COL5A1: variants seen among roughly 807,000 people sequenced by gnomAD.
COL5A1 encodes collagen type V alpha 1 chain.
Under a neutral mutation model 263.7 loss-of-function variants are expected in COL5A1, and 16 were observed. The observed-to-expected ratio is 0.06, with a 90% CI of 0.04 to 0.09. The LOEUF (loss-of-function observed/expected upper bound fraction) is 0.09, where lower values mean the gene tolerates loss of function less well. COL5A1 is among the 10% of genes least tolerant of loss of function. The pLI is 1.00. For synonymous variants in COL5A1, 1,012 were observed against 1,004.5 expected, an observed-to-expected ratio of 1.01 and a Z score of -0.14; for missense variants, 2,036 against 2,540.5, an observed-to-expected ratio of 0.80 and a Z score of 4.27.
Position 134,758,158 on chromosome 9 carries a change from G to A in COL5A1, c.1882-85G>A. The A allele has an allele frequency of 7.1e-7, 1 of 1,399,566 alleles. No homozygotes were observed. Among genetic ancestry groups the A allele is most frequent in the South Asian group, 1.2e-5 (1 of 86,690 alleles). 86.7% of individuals were successfully genotyped at this position (1,399,566 alleles called of 1,614,324 possible). ...CTGTGTGAAACGTGGTCCAAGGCGG[G>A]GCGGCCATCACTTGGTGGACACCAA... On this transcript the variant is annotated intron_variant, in intron 17 of 65. Coordinates refer to ENST00000371817, the MANE Select transcript of COL5A1 (RefSeq NM_000093.5). The surrounding 1 kb of genome is among the most constrained non-coding windows in gnomAD (Gnocchi z 4.1).
chr9:134,752,423 G>GGC (rs1835816214), intron 13 of COL5A1, among the ~76,000 whole-genome samples, 166 bp from the exon 14 acceptor site: 1 of 134,860 alleles, frequency 7.4e-6, no homozygotes, highest in African/African-American at 3.2e-5. Flanking sequence ...CGAAGTCGGG[G>GGC]GGGGGGGGCC....
chr9:134,697,860 G>T (rs1167812411), intron 2 of COL5A1, among the ~76,000 whole-genome samples: 1 of 152,164 alleles, frequency 6.6e-6, no homozygotes. Flanking sequence ...AAGGCGGGTG[G>T]ATCACCTGAG....
intron 11 of COL5A1, among the ~76,000 whole-genome samples, chr9:134,747,471 A>T (rs543946012): frequency 6.6e-6 from 1 of 152,260 alleles, no homozygotes; most frequent in South Asian, 2.1e-4. Flanking sequence ...AAACGTACAC[A>T]TGCATACACA....
At position 134,767,300 on chromosome 9, in the gene COL5A1, T is replaced by C. The variant is rs1293775104; in HGVS notation, c.2188-10T>C. 1.2e-6 allele frequency: 2 copies of C among 1,613,992 alleles called. No individual in the cohort carries two copies. Among genetic ancestry groups the C allele is most frequent in the African/African-American group, 1.3e-5 (1 of 75,024 alleles). On this transcript the variant is annotated splice_polypyrimidine_tract_variant and intron_variant, in intron 23 of 65. Transcript: ENST00000371817. ...CTCACCTTCCCTTTCTGGCTCTTTC[T>C]CCCTCTTAGGGTCTTCCAGGCCCCC...
rs191191073 is a variant in COL5A1 at position 134,799,878 on chromosome 9, C to T, written c.2952+1417C>T. Among the ~76,000 whole-genome samples, 29 of 152,304 alleles carry T rather than the reference C, an allele frequency of 1.9e-4. No individual in the cohort carries two copies. The East Asian group carries it at 2.7e-3, about 14-fold the overall frequency. ...TTTTCTCCCTCTGACTTATTCTGGA[C>T]GGAGGCTGGTGAAAGAATTAAGCTG... On this transcript the variant is annotated intron_variant, in intron 37 of 65. Transcript: ENST00000371817.
At chr9:134,752,538 G>A (rs138024377) in intron 13 of COL5A1, 51 bp from the exon 14 acceptor site, 112 of 1,436,750 alleles carry the variant, frequency 7.8e-5, no homozygotes, top group Non-Finnish European at 1.0e-4. Flanking sequence ...CCAGCAAACC[G>A]GAGCACTGCT....
rs940671934 is a variant in COL5A1, at chr9:134,818,435, C to T, written c.4231-221C>T. Among the ~76,000 whole-genome samples, 8 of 152,190 alleles carry T rather than the reference C, an allele frequency of 5.3e-5. No individual in the cohort carries two copies. In the East Asian group the frequency reaches 1.5e-3, roughly 29 times the overall value. ...ACACCCGGTCTGTGGTCGGCGCAGT[C>T]AGCGGAGACGGGATCCCTGCTGGCC... On this transcript the variant is annotated intron_variant, in intron 54 of 65. Coordinates refer to ENST00000371817, the MANE Select transcript of COL5A1 (RefSeq NM_000093.5). This position sits in a 1 kb window ranked among gnomAD's most constrained non-coding sequence, Gnocchi z 6.0.
At chr9:134,783,640 C>A (rs1223080789) in intron 29 of COL5A1, among the ~76,000 whole-genome samples, 3 of 152,308 alleles carry the variant, frequency 2.0e-5, no homozygotes, top group African/African-American at 7.2e-5. Flanking sequence ...AGTCATCCCC[C>A]TGCAGCACCG....
At chr9:134,663,359 G>A (rs1832265846) in intron 1 of COL5A1, among the ~76,000 whole-genome samples, 3 of 152,192 alleles carry the variant, frequency 2.0e-5, no homozygotes, top group Admixed American at 2.0e-4. Flanking sequence ...GCCTAAGAGG[G>A]TGAAGGGCTG....
At chr9:134,839,011 C>A (rs527955364) in intron 65 of COL5A1, among the ~76,000 whole-genome samples, 1 of 152,236 alleles carries the variant, frequency 6.6e-6, no homozygotes, top group African/African-American at 2.4e-5. Flanking sequence ...CATTTAATTA[C>A]GGAGGCTGCT....
chr9:134,835,062 C>G lies in COL5A1; in HGVS notation c.5228C>G (p.Thr1743Ser). 1 of 1,613,574 alleles carries G rather than the reference C, an allele frequency of 6.2e-7. No homozygotes were observed. Among genetic ancestry groups the G allele is most frequent in the African/African-American group, 1.3e-5 (1 of 75,056 alleles). The change falls in exon 65 of 66, where the codon ACC becomes AGC. Residue 1743 changes from threonine (T) to serine (S), a missense_variant. Physicochemically the swap from Thr to Ser is moderately conservative, Grantham distance 58. Around this residue, in one of 3 missense-constraint regions of COL5A1, gnomAD observed 358 missense variants for 384.6 expected, o/e 0.93. Transcript: ENST00000371817. The stretch of plus-strand genomic sequence containing the variant: ...AGCGCCTCTGCCCACCAGAACGTCA[C>G]CTACCACTGCTACCAGTCAGTGGCC... Reference protein sequence around the residue: ...LLSASAHQNVTYHCYQSVAWQ... With the variant: ...LLSASAHQNVSYHCYQSVAWQ...
intron 4 of COL5A1, 42 bp from the exon 5 acceptor site, chr9:134,727,224 G>A (rs376142709): frequency 4.3e-6 from 7 of 1,610,638 alleles, no homozygotes; most frequent in African/African-American, 2.7e-5. Context: ...CCATGCGAGT[G>A]CTCTGTGAGC....
chr9:134,760,138 A>T (rs542006727), intron 18 of COL5A1, among the ~76,000 whole-genome samples: 11 of 90,282 alleles, frequency 1.2e-4, no homozygotes, highest in African/African-American at 5.0e-4. Context: ...CCACACTCAC[A>T]TGTGCAGACA....
intron 65 of COL5A1, among the ~76,000 whole-genome samples, chr9:134,836,403 A>G (rs1038786012): frequency 3.3e-5 from 5 of 152,060 alleles, no homozygotes. Flanking sequence ...CGTGACCCAG[A>G]CGCCTCCCAC....
At chr9:134,734,934 G>A (rs983247706) in intron 9 of COL5A1, among the ~76,000 whole-genome samples, 1 of 152,128 alleles carries the variant, frequency 6.6e-6, no homozygotes, top group African/African-American at 2.4e-5. Flanking sequence ...CATTCGGCCG[G>A]GTGCGGTGGC....
chr9:134,692,265 ACCAGAGTGGCCCTGGGCTGTGGATCC>A (rs1329175055), intron 2 of COL5A1, among the ~76,000 whole-genome samples: 3 of 152,238 alleles, frequency 2.0e-5, no homozygotes, highest in Admixed American at 1.3e-4. Context: ...ACCTCTGGGT[ACCAGAGTGGCCCTGGGCTGTGGATCC>A]CCAGCCTCAA....
rs374210968 is a variant in COL5A1, at chr9:134,728,932, G to A, written c.924+125G>A. 41 of 1,262,790 alleles carry A rather than the reference G, an allele frequency of 3.2e-5. No homozygotes were observed. In the Admixed American group the frequency reaches 8.0e-4, roughly 25 times the overall value. 78.2% of individuals were successfully genotyped at this position (1,262,790 alleles called of 1,614,324 possible). ...GGGCTGTCTGGTGAAGGTTGCGGGG[G>A]CAGCTCAGTGAGGGAGCCGGCTGTT... On this transcript the variant is annotated intron_variant, in intron 6 of 65. Coordinates refer to ENST00000371817, the MANE Select transcript of COL5A1 (RefSeq NM_000093.5).
chr9:134,719,721 C>G (rs747197378), intron 4 of COL5A1, among the ~76,000 whole-genome samples: 1 of 152,128 alleles, frequency 6.6e-6, no homozygotes, highest in African/African-American at 2.4e-5. Context: ...GGCAAGGGGG[C>G]GGCTCAGGAA....
At chr9:134,739,581 G>A (rs1350870273) in intron 11 of COL5A1, among the ~76,000 whole-genome samples, 1 of 152,244 alleles carries the variant, frequency 6.6e-6, no homozygotes, top group Non-Finnish European at 1.5e-5. Flanking sequence ...GTGTGAGAAG[G>A]TGGTTCGTGA....
Sources: gnomAD v4.1 joint callset for allele counts (sites outside exome capture counted in the v4.1 genomes callset) on GRCh38, gnomAD v4.1.1 for gene constraint, gnomAD v4.1.1 regional missense constraint, Gnocchi (gnomAD v3.1) non-coding constraint, MANE v1.5 for transcripts, NCBI Gene and HGNC (gene_info 2026-07-23, HGNC 2026-07-21) for gene names.